Variants in EDIL3 observed in about 807,000 individuals in gnomAD.
EDIL3 encodes the protein EGF-like repeat and discoidin I-like domain-containing protein 3.
Under a neutral mutation model 67.4 loss-of-function variants are expected in EDIL3, and 37 were observed. That is an observed-to-expected ratio of 0.55 (90% confidence interval 0.42 to 0.72). EDIL3 has a LOEUF of 0.72. Ranked by LOEUF, EDIL3 falls within the 30% of genes least tolerant of loss-of-function variation. EDIL3 has a pLI of 0.00. For missense variants in EDIL3, 527 were observed against 586.3 expected, an observed-to-expected ratio of 0.90 and a Z score of 1.04; for synonymous variants, 195 against 196.3, an observed-to-expected ratio of 0.99 and a Z score of 0.05.
chr5:84,011,719 C>T (rs759064386), intron 9 of EDIL3, among the ~76,000 whole-genome samples: 1 of 152,118 alleles, frequency 6.6e-6, no homozygotes, highest in Admixed American at 6.6e-5. Flanking sequence ...ATACACTAAG[C>T]TTATTCCTTC....
intron 10 of EDIL3, among the ~76,000 whole-genome samples, chr5:83,945,002 T>C (rs911553353): frequency 7.2e-5 from 11 of 151,990 alleles, no homozygotes; most frequent in Non-Finnish European, 1.2e-4. Context: ...TTCAGTCTTA[T>C]ACGGCCACAA....
At chr5:84,015,654 G>A (rs1276375631) in intron 9 of EDIL3, among the ~76,000 whole-genome samples, 1 of 151,458 alleles carries the variant, frequency 6.6e-6, no homozygotes, top group Non-Finnish European at 1.5e-5. Flanking sequence ...TATAACAAGA[G>A]TGTGTTATAT....
intron 4 of EDIL3, among the ~76,000 whole-genome samples, chr5:84,149,158 G>A (rs761650165): frequency 1.4e-4 from 22 of 151,956 alleles, no homozygotes; most frequent in Non-Finnish European, 2.8e-4. Flanking sequence ...GGAGGCTAGT[G>A]TTTGTAGAAC....
In EDIL3 at chr5:84,252,723, T is replaced by C. The variant is rs1244935241; in HGVS notation, c.196+1361A>G. On this transcript the variant is annotated intron_variant, in intron 2 of 10. Transcript: ENST00000296591. The stretch of plus-strand genomic sequence containing the variant: ...TACTAGGGGTATTTATGACTCTAAT[T>C]TTCTTCAGATATACAGACTTTCCTG... Among the ~76,000 whole-genome samples the C allele has an allele frequency of 2.6e-5, 4 of 151,976 alleles. No individual in the cohort carries two copies. In the East Asian group the frequency reaches 5.8e-4, roughly 22 times the overall value.
In EDIL3 at chr5:84,151,264, T is replaced by TACACACAC. The variant is rs201338208; in HGVS notation, c.356-13918_356-13911dup. Among the ~76,000 whole-genome samples the TACACACAC allele has an allele frequency of 1.5e-3, 197 of 129,556 alleles. 1 individual carries two copies. Among genetic ancestry groups the TACACACAC allele is most frequent in the African/African-American group, 4.5e-3 (151 of 33,742 alleles). 85.0% of individuals were successfully genotyped at this position (129,556 alleles called of 152,430 possible). Reference sequence around the variant, plus strand: ...AGAACTGCATACACACACACGCACATACACACACACACACACACACACACA... The same window carrying TACACACAC: ...AGAACTGCATACACACACACGCACATACACACACACACACACACACACACACACACACA... On this transcript the variant is annotated intron_variant, in intron 4 of 10. Coordinates refer to ENST00000296591, the MANE Select transcript of EDIL3 (RefSeq NM_005711.5).
rs60143474 is a variant in EDIL3 at position 83,970,256 on chromosome 5, TTATA to T, written c.1138-6900_1138-6897del. Among the ~76,000 whole-genome samples, 375 of 128,386 alleles carry T rather than the reference TTATA, an allele frequency of 2.9e-3. 3 individuals are homozygous for T. The highest frequency in any genetic ancestry group is 7.8e-3 in the South Asian group (33 of 4,228). 84.2% of individuals were successfully genotyped at this position (128,386 alleles called of 152,430 possible). A position where few individuals can be genotyped will look rare whatever the true frequency, so the allele number is the denominator to read the frequency against. The stretch of plus-strand genomic sequence containing the variant: ...TTTCTTAATTGTTCAGTGTCACTAA[TTATA>T]TATATATATATATATATATATAGTC... On this transcript the variant is annotated intron_variant, in intron 9 of 10. Coordinates refer to ENST00000296591, the MANE Select transcript of EDIL3 (RefSeq NM_005711.5).
At chr5:84,330,324 A>T (rs1746843374) in intron 1 of EDIL3, among the ~76,000 whole-genome samples, 1 of 152,192 alleles carries the variant, frequency 6.6e-6, no homozygotes, top group Non-Finnish European at 1.5e-5. Context: ...CATTTAGGTG[A>T]CAATAAAAAC....
intron 4 of EDIL3, among the ~76,000 whole-genome samples, chr5:84,173,801 C>T (rs1472738518): frequency 6.6e-6 from 1 of 152,150 alleles, no homozygotes; most frequent in Non-Finnish European, 1.5e-5. Flanking sequence ...GAGATGTCCC[C>T]ACGTGGCCTT....
intron 5 of EDIL3, among the ~76,000 whole-genome samples, chr5:84,124,496 T>G (rs1365217334): frequency 6.6e-6 from 1 of 151,886 alleles, no homozygotes; most frequent in Non-Finnish European, 1.5e-5. Context: ...GTTTTCCAAG[T>G]GAAAACTCTA....
intron 9 of EDIL3, among the ~76,000 whole-genome samples, chr5:83,985,244 A>C (rs979159468): frequency 2.6e-5 from 4 of 152,058 alleles, no homozygotes; most frequent in Admixed American, 6.6e-5. Flanking sequence ...GCTCATGATC[A>C]ATATGAGGCA....
intron 9 of EDIL3, among the ~76,000 whole-genome samples, chr5:83,965,747 G>T (rs1744679736): frequency 6.6e-6 from 1 of 151,924 alleles, no homozygotes; most frequent in African/African-American, 2.4e-5. Flanking sequence ...CCACTCTAAC[G>T]GCTCCCCTTC....
At chr5:84,243,576 C>A (rs747752038) in intron 2 of EDIL3, among the ~76,000 whole-genome samples, 1 of 152,110 alleles carries the variant, frequency 6.6e-6, no homozygotes, top group Non-Finnish European at 1.5e-5. Flanking sequence ...ACAATGAAAC[C>A]TTAGCAGATA....
intron 6 of EDIL3, among the ~76,000 whole-genome samples, chr5:84,080,527 T>C (rs558276997): frequency 1.3e-5 from 2 of 152,266 alleles, no homozygotes; most frequent in East Asian, 3.9e-4. Context: ...GTCATTTGTG[T>C]TTGTTCCCCA....
intron 2 of EDIL3, among the ~76,000 whole-genome samples, chr5:84,248,628 C>G (rs1459959406): frequency 1.3e-5 from 2 of 152,116 alleles, no homozygotes; most frequent in Non-Finnish European, 2.9e-5. Context: ...TCAAATTTGT[C>G]AAATTCAACA....
intron 1 of EDIL3, among the ~76,000 whole-genome samples, chr5:84,306,530 G>A (rs917298134): frequency 2.0e-5 from 3 of 152,136 alleles, no homozygotes; most frequent in African/African-American, 4.8e-5. Context: ...TTCTACAGGC[G>A]AATTAACTAC....
chr5:84,327,733 C>T (rs113470036), intron 1 of EDIL3, among the ~76,000 whole-genome samples: 75 of 151,910 alleles, frequency 4.9e-4, no homozygotes, highest in Non-Finnish European at 8.1e-4. Flanking sequence ...TTAAAGTTTA[C>T]GTTTGGAGCC....
At chr5:84,115,616 A>C (rs1318315998) in intron 5 of EDIL3, among the ~76,000 whole-genome samples, 1 of 152,212 alleles carries the variant, frequency 6.6e-6, no homozygotes, top group Non-Finnish European at 1.5e-5. Flanking sequence ...CTGTAGGACA[A>C]CAGAAGAGTT....
intron 9 of EDIL3, among the ~76,000 whole-genome samples, chr5:84,024,651 G>A (rs2112195832): frequency 6.6e-6 from 1 of 152,164 alleles, no homozygotes; most frequent in Admixed American, 6.5e-5. Flanking sequence ...CTCTGACTTG[G>A]GGTCCAAGTA....
In EDIL3 at chr5:84,137,248, A is replaced by G. The variant is rs1748110334; in HGVS notation, c.462T>C (p.Cys154=). Residue 154 remains cysteine, a synonymous_variant, in exon 5 of 11, where the codon TGT becomes TGC. Coordinates refer to ENST00000296591, the MANE Select transcript of EDIL3 (RefSeq NM_005711.5). ...ECPGEFMGRN[C]QYKCSGPLGI... ...ACACACGTGAATACTTACTGTATTG[A>G]CAATTTCTTCCCATAAATTCGCCTG... is the stretch of plus-strand genomic sequence containing the variant. 6.2e-7 allele frequency: 1 copy of G among 1,612,136 alleles called. No homozygotes were observed. Among genetic ancestry groups the G allele is most frequent in the South Asian group, 1.1e-5 (1 of 91,042 alleles).
Sources: gnomAD v4.1 joint callset for allele counts (sites outside exome capture counted in the v4.1 genomes callset) on GRCh38, gnomAD v4.1.1 for gene constraint, MANE v1.5 for transcripts, NCBI Gene and HGNC (gene_info 2026-07-23, HGNC 2026-07-21) for gene names.